The following OSBPL3 variants were observed in gnomAD, a reference collection of about 807,000 sequenced individuals.
OSBPL3 encodes the protein oxysterol binding protein like 3, also known as oxysterol-binding protein-related protein 3.
Under a neutral mutation model 120.1 loss-of-function variants are expected in OSBPL3, and 65 were observed. That is an observed-to-expected ratio of 0.54 (90% CI 0.44 to 0.67). The LOEUF (loss-of-function observed/expected upper bound fraction) is 0.67. Ranked by LOEUF, OSBPL3 falls within the 30% of genes least tolerant of loss-of-function variation. The pLI is 0.00. For synonymous variants in OSBPL3, 416 were observed against 402.6 expected, an observed-to-expected ratio of 1.03 and a Z score of -0.40; for missense variants, 1,004 against 1,082.1, an observed-to-expected ratio of 0.93 and a Z score of 1.01.
In OSBPL3 at chr7:24,976,685, T is replaced by C. The variant is rs113383093; in HGVS notation, c.-150+3201A>G. ...CTAACAGTTTCCATCTTCCCTGGTA[T>C]CCTACACCTCAATCTCTTCCTCAGG... On this transcript the variant is annotated intron_variant, in intron 1 of 22. Transcript: ENST00000313367. 2.8e-4 allele frequency among the ~76,000 whole-genome samples: 43 copies of C among 152,354 alleles called. 1 individual carries two copies. The highest frequency in any genetic ancestry group is 1.0e-3 in the African/African-American group (43 of 41,584).
rs148072982 is a variant in OSBPL3, at chr7:24,863,726, G to A, written c.674-127C>T. The stretch of plus-strand genomic sequence containing the variant: ...TTTTTTTTTTCATCTGTAAGGGTTG[G>A]AAATTTTACTTCCTTTTTTACAGGA... On this transcript the variant is annotated intron_variant, in intron 7 of 22. Transcript: ENST00000313367. The surrounding 1 kb of genome is among the most constrained non-coding windows in gnomAD (Gnocchi z 5.8). 2.4e-4 allele frequency: 152 copies of A among 636,094 alleles called. No individual in the cohort carries two copies. The highest frequency in any genetic ancestry group is 3.5e-4 in the Non-Finnish European group (126 of 361,124). The allele number at this position is 636,094 out of a possible 1,614,324, so 39.4% of individuals were successfully genotyped here.
chr7:24,921,634 T>G (rs979046259), intron 1 of OSBPL3, among the ~76,000 whole-genome samples: 1 of 152,104 alleles, frequency 6.6e-6, no homozygotes, highest in Non-Finnish European at 1.5e-5. Flanking sequence ...TACCTCTCAG[T>G]TACCCTAAAC....
chr7:24,902,987 C>T (rs1807289417), intron 1 of OSBPL3, among the ~76,000 whole-genome samples: 1 of 152,090 alleles, frequency 6.6e-6, no homozygotes, highest in South Asian at 2.1e-4. Flanking sequence ...TTATTGGAGG[C>T]CACTTCAAAA....
At position 24,820,287 on chromosome 7, in the gene OSBPL3, T is replaced by A; in HGVS notation, c.1885-49A>T. 1 of 1,365,578 alleles carries A rather than the reference T, an allele frequency of 7.3e-7. No individual in the cohort carries two copies. Among genetic ancestry groups the A allele is most frequent in the Non-Finnish European group, 1.0e-6 (1 of 962,226 alleles). The allele number at this position is 1,365,578 out of a possible 1,614,324, so 84.6% of individuals were successfully genotyped here. ...AACAAAAAATGAATGAACTTTTGTG[T>A]CTCATGAAATCCATTCTTTCTCCCC... On this transcript the variant is annotated intron_variant, in intron 16 of 22. Transcript: ENST00000313367. The surrounding 1 kb of genome is among the most constrained non-coding windows in gnomAD (Gnocchi z 4.6).
At chr7:24,812,346 A>AG (rs1260054649) in intron 19 of OSBPL3, among the ~76,000 whole-genome samples, 1 of 151,002 alleles carries the variant, frequency 6.6e-6, no homozygotes, top group East Asian at 1.9e-4. Context: ...AGAAAAGAAA[A>AG]GGTTCAGTTT....
chr7:24,925,887 T>G (rs548620969), intron 1 of OSBPL3, among the ~76,000 whole-genome samples: 14 of 152,332 alleles, frequency 9.2e-5, no homozygotes, highest in Non-Finnish European at 1.9e-4. Flanking sequence ...AGAATAGCAG[T>G]TTTAGTTTCC....
In OSBPL3 at chr7:24,946,713, T is replaced by A. The variant is rs926060955; in HGVS notation, c.-150+33173A>T. 8.5e-5 allele frequency among the ~76,000 whole-genome samples: 13 copies of A among 152,196 alleles called. No homozygotes were observed. The highest frequency in any genetic ancestry group is 3.1e-4 in the African/African-American group (13 of 41,450). ...TAAGAAGGGCAGGCTCAGGTCCATCTTATCCACTCCATGTGGCAAACATTT... is the reference window on the plus strand; with the variant it reads ...TAAGAAGGGCAGGCTCAGGTCCATCATATCCACTCCATGTGGCAAACATTT... On this transcript the variant is annotated intron_variant, in intron 1 of 22. Transcript: ENST00000313367. The surrounding 1 kb of genome is among the most constrained non-coding windows in gnomAD (Gnocchi z 4.3).
intron 1 of OSBPL3, among the ~76,000 whole-genome samples, chr7:24,962,756 G>A (rs982797152): frequency 1.2e-4 from 18 of 152,202 alleles, no homozygotes; most frequent in South Asian, 2.1e-4. Flanking sequence ...AGGTCCAGCC[G>A]TGCCTGAAGC....
At position 24,913,902 on chromosome 7, in the gene OSBPL3, CT is replaced by C; in HGVS notation, c.-149-21282del. Among the ~76,000 whole-genome samples, 1 of 152,278 alleles carries C rather than the reference CT, an allele frequency of 6.6e-6. No individual in the cohort carries two copies. Among genetic ancestry groups the C allele is most frequent in the South Asian group, 2.1e-4 (1 of 4,816 alleles). On this transcript the variant is annotated intron_variant, in intron 1 of 22. Coordinates refer to ENST00000313367, the MANE Select transcript of OSBPL3 (RefSeq NM_015550.4). This position sits in a 1 kb window ranked among gnomAD's most constrained non-coding sequence, Gnocchi z 5.3. Reference sequence around the variant, plus strand: ...ACAGAGCTAAAGTAAAGTAAAAGTTCTACATATATGCATTGAAACTTTCCTA... The same window carrying C: ...ACAGAGCTAAAGTAAAGTAAAAGTTCACATATATGCATTGAAACTTTCCTA...
Position 24,852,619 on chromosome 7 carries a change from C to G in OSBPL3, c.1043G>C (p.Arg348Thr). Residue 348 changes from arginine to threonine, a missense_variant, in exon 11 of 23, where the codon AGG becomes ACG. Arg to Thr is a moderately conservative substitution (Grantham distance 71). Transcript: ENST00000313367. The surrounding 1 kb of genome is among the most constrained non-coding windows in gnomAD (Gnocchi z 4.1). ...CGCTGACATGATATTAAAAGCTGAC[C>G]TTAAAGTGAAGTAAACTATAGAGAT... ...HIAHKVYFTL[R>T]SAFNIMSAER... 1 of 1,593,810 alleles carries G rather than the reference C, an allele frequency of 6.3e-7. No individual in the cohort carries two copies. The highest frequency in any genetic ancestry group is 8.5e-7 in the Non-Finnish European group (1 of 1,173,136).
At chr7:24,979,201 C>A (rs1207530192) in intron 1 of OSBPL3, among the ~76,000 whole-genome samples, 1 of 152,074 alleles carries the variant, frequency 6.6e-6, no homozygotes, top group African/African-American at 2.4e-5. Flanking sequence ...CGCTGCAGGG[C>A]CTCCAGGAAA....
rs1046385780 is a variant in OSBPL3 at position 24,873,261 on chromosome 7, C to T, written c.97-1192G>A. On this transcript the variant is annotated intron_variant, in intron 2 of 22. Transcript: ENST00000313367. This position sits in a 1 kb window ranked among gnomAD's most constrained non-coding sequence, Gnocchi z 4.1. Reference sequence around the variant, plus strand: ...GAGCAGGAGGCAGTTAGATTCAAGTCCTGGGACACAAGTGGTCTAACAGGG... The same window carrying T: ...GAGCAGGAGGCAGTTAGATTCAAGTTCTGGGACACAAGTGGTCTAACAGGG... Among the ~76,000 whole-genome samples the T allele has an allele frequency of 3.9e-5, 6 of 152,188 alleles. No individual in the cohort carries two copies. Among genetic ancestry groups the T allele is most frequent in the Non-Finnish European group, 8.8e-5 (6 of 68,038 alleles).
chr7:24,907,180 C>T (rs1808065737), intron 1 of OSBPL3, among the ~76,000 whole-genome samples: 1 of 152,192 alleles, frequency 6.6e-6, no homozygotes, highest in African/African-American at 2.4e-5. Context: ...CTGCAACTGA[C>T]TCCACATTTT....
At chr7:24,858,658 C>T (rs991294759) in intron 10 of OSBPL3, among the ~76,000 whole-genome samples, 9 of 152,242 alleles carry the variant, frequency 5.9e-5, no homozygotes, top group African/African-American at 2.2e-4. Context: ...CCAGGACAAA[C>T]CTTGGCCCAG....
chr7:24,882,976 G>C (rs990936057), intron 2 of OSBPL3, among the ~76,000 whole-genome samples: 4 of 152,120 alleles, frequency 2.6e-5, no homozygotes, highest in African/African-American at 9.7e-5. Context: ...CTGGATATTA[G>C]TTCCCTGTTG....
At chr7:24,828,678 T>C (rs1371332896) in intron 16 of OSBPL3, among the ~76,000 whole-genome samples, 1 of 150,064 alleles carries the variant, frequency 6.7e-6, no homozygotes, top group African/African-American at 2.4e-5. Context: ...GCAATAGCCA[T>C]TTACTGAATA....
intron 12 of OSBPL3, among the ~76,000 whole-genome samples, chr7:24,843,968 C>G (rs906061917): frequency 2.6e-5 from 4 of 152,364 alleles, no homozygotes; most frequent in South Asian, 2.1e-4. Context: ...TAATTTATTA[C>G]TAGTCACTCC....
At chr7:24,943,898 G>C (rs1813387289) in intron 1 of OSBPL3, among the ~76,000 whole-genome samples, 1 of 152,028 alleles carries the variant, frequency 6.6e-6, no homozygotes, top group African/African-American at 2.4e-5. Context: ...AAGTCAATTT[G>C]TGAAATTTAC....
rs533377519 is a variant in OSBPL3, at chr7:24,798,824, A to G, written c.*1359T>C. Reference sequence around the variant, plus strand: ...TTGATATTCCATAGCATTGCTATGGACTTTAGAATAAGAGGCTTAACAATT... The same window carrying G: ...TTGATATTCCATAGCATTGCTATGGGCTTTAGAATAAGAGGCTTAACAATT... On this transcript the variant is annotated 3_prime_UTR_variant, in exon 23 of 23. Transcript: ENST00000313367. This position sits in a 1 kb window ranked among gnomAD's most constrained non-coding sequence, Gnocchi z 4.6. 5.9e-5 allele frequency: 9 copies of G among 152,724 alleles called. No individual in the cohort carries two copies. In the East Asian group the frequency reaches 1.5e-3, roughly 26 times the overall value. The allele number at this position is 152,724 out of a possible 1,614,324, so 9.5% of individuals were successfully genotyped here.
Sources: allele counts gnomAD v4.1 joint callset (sites outside exome capture counted in the v4.1 genomes callset), GRCh38; gene constraint gnomAD v4.1.1; non-coding constraint Gnocchi (gnomAD v3.1); transcripts MANE v1.5; gene names NCBI Gene and HGNC (gene_info 2026-07-23, HGNC 2026-07-21).